MEIKIN: variants seen among roughly 807,000 people sequenced by gnomAD.
MEIKIN encodes meiosis-specific kinetochore protein.
chr5:131,857,416 A>G (rs1750213835), intron 9 of MEIKIN, among the ~76,000 whole-genome samples: 1 of 152,200 alleles, frequency 6.6e-6, no homozygotes, highest in Non-Finnish European at 1.5e-5. Context: ...ATACTCTTCT[A>G]GGTGGCTTTA....
At chr5:131,808,937 A>T (rs1349210768) in intron 12 of MEIKIN, among the ~76,000 whole-genome samples, 1 of 152,120 alleles carries the variant, frequency 6.6e-6, no homozygotes, top group Non-Finnish European at 1.5e-5. Context: ...TTAGGTAGGC[A>T]TGGTAGCACC....
At chr5:131,852,801 A>C (rs1197786903) in intron 10 of MEIKIN, among the ~76,000 whole-genome samples, 1 of 152,172 alleles carries the variant, frequency 6.6e-6, no homozygotes, top group Admixed American at 6.5e-5. Flanking sequence ...TGAGTTTTAT[A>C]AAACGTAACT....
At chr5:131,874,126 G>A (rs1270819109) in intron 9 of MEIKIN, among the ~76,000 whole-genome samples, 2 of 152,060 alleles carry the variant, frequency 1.3e-5, no homozygotes, top group Non-Finnish European at 2.9e-5. Flanking sequence ...CTAGCAGAAG[G>A]CAAGAAATAA....
At chr5:131,906,534 T>C (rs147543163) in intron 8 of MEIKIN, among the ~76,000 whole-genome samples, 15 of 148,628 alleles carry the variant, frequency 1.0e-4, no homozygotes, top group African/African-American at 2.9e-4. Flanking sequence ...CTAAGGAATA[T>C]AACTTATTCT....
At chr5:131,829,455 G>A (rs1424638007) in intron 11 of MEIKIN, among the ~76,000 whole-genome samples, 4 of 152,116 alleles carry the variant, frequency 2.6e-5, no homozygotes, top group Non-Finnish European at 5.9e-5. Flanking sequence ...GGGGCACAGA[G>A]AGCAATAGCA....
chr5:131,846,033 T>C (rs968191202), intron 11 of MEIKIN, among the ~76,000 whole-genome samples: 1 of 152,174 alleles, frequency 6.6e-6, no homozygotes, highest in Non-Finnish European at 1.5e-5. Context: ...GCAAGAGAAG[T>C]GACTTGTTGC....
At chr5:131,931,329 C>CT (rs1014461865) in intron 5 of MEIKIN, among the ~76,000 whole-genome samples, 3 of 151,650 alleles carry the variant, frequency 2.0e-5, no homozygotes, top group Non-Finnish European at 4.4e-5. Flanking sequence ...AAGCTGGAAT[C>CT]TTTTTTTTTC....
At chr5:131,898,066 G>T (rs7701761) in intron 8 of MEIKIN, among the ~76,000 whole-genome samples, 4,038 of 152,228 alleles carry the variant, frequency 0.027, 186 homozygotes, top group African/African-American at 0.092. Flanking sequence ...TTTGATGTTG[G>T]TGCCCTACAG....
At chr5:131,907,664 G>A (rs1751265400) in intron 8 of MEIKIN, among the ~76,000 whole-genome samples, 1 of 151,586 alleles carries the variant, frequency 6.6e-6, no homozygotes, top group African/African-American at 2.4e-5. Flanking sequence ...ACGAAGTCAG[G>A]AGTTCGAGAC....
intron 12 of MEIKIN, among the ~76,000 whole-genome samples, chr5:131,809,566 T>A (rs879777284): frequency 3.9e-5 from 6 of 152,084 alleles, no homozygotes; most frequent in Non-Finnish European, 5.9e-5. Context: ...CCCAGCACTT[T>A]GGGAGGCTGA....
At chr5:131,887,361 G>A (rs1470445527) in intron 8 of MEIKIN, among the ~76,000 whole-genome samples, 1 of 152,122 alleles carries the variant, frequency 6.6e-6, no homozygotes, top group African/African-American at 2.4e-5. Flanking sequence ...TACCCAGTAA[G>A]GGGACCACTG....
At chr5:131,808,482 T>C (rs1772889248) in intron 12 of MEIKIN, among the ~76,000 whole-genome samples, 1 of 152,218 alleles carries the variant, frequency 6.6e-6, no homozygotes, top group Non-Finnish European at 1.5e-5. Context: ...CACCAGTACC[T>C]ATGTTAGTCA....
At chr5:131,852,705 T>C (rs1750135257) in intron 10 of MEIKIN, among the ~76,000 whole-genome samples, 1 of 152,148 alleles carries the variant, frequency 6.6e-6, no homozygotes, top group Non-Finnish European at 1.5e-5. Flanking sequence ...AATAGGGTGA[T>C]GAAAATGTTC....
chr5:131,938,165 C>CTTTTT (rs3043872), intron 4 of MEIKIN, among the ~76,000 whole-genome samples: 1 of 126,630 alleles, frequency 7.9e-6, no homozygotes, highest in Non-Finnish European at 1.6e-5. Flanking sequence ...CCCTCACCCC[C>CTTTTT]TTTTTTTTTT....
chr5:131,898,815 T>A (rs965160304), intron 8 of MEIKIN, among the ~76,000 whole-genome samples: 2 of 152,222 alleles, frequency 1.3e-5, no homozygotes, highest in Non-Finnish European at 2.9e-5. Flanking sequence ...GTCCCGTTTT[T>A]CCATGTACAG....
chr5:131,853,882 C>T (rs1468776066), intron 10 of MEIKIN, among the ~76,000 whole-genome samples: 1 of 152,116 alleles, frequency 6.6e-6, no homozygotes, highest in African/African-American at 2.4e-5. Context: ...AACCCTTGTG[C>T]ATTTTGCTAG....
At chr5:131,945,342 G>A in intron 1 of MEIKIN, 58 bp downstream of exon 1, 1 of 398,960 alleles carries the variant, frequency 2.5e-6, no homozygotes. Context: ...GCCCGCCCTC[G>A]GTCCCGTCCC....
intron 5 of MEIKIN, among the ~76,000 whole-genome samples, chr5:131,928,186 C>A (rs1751624033): frequency 6.6e-6 from 1 of 150,974 alleles, no homozygotes; most frequent in Admixed American, 6.6e-5. Flanking sequence ...CACTTGTAGA[C>A]ATCACATCAT....
At chr5:131,852,280 G>C (rs1401261954) in intron 10 of MEIKIN, among the ~76,000 whole-genome samples, 1 of 151,952 alleles carries the variant, frequency 6.6e-6, no homozygotes, top group Non-Finnish European at 1.5e-5. Context: ...GGTTTTATAG[G>C]GTAGTTTTCC....
Sources: gnomAD v4.1 joint callset for allele counts (sites outside exome capture counted in the v4.1 genomes callset) on GRCh38, gnomAD v4.1.1 for gene constraint, MANE v1.5 for transcripts, NCBI Gene and HGNC (gene_info 2026-07-23, HGNC 2026-07-21) for gene names.